C1orf21: variants seen among roughly 807,000 people sequenced by gnomAD.
C1orf21 encodes uncharacterized protein C1orf21.
A neutral mutation model predicts 18.7 loss-of-function variants in C1orf21; 3 were observed. The observed-to-expected ratio is 0.16, with a 90% confidence interval of 0.07 to 0.42. The LOEUF is 0.42. Among genes scored for constraint, C1orf21 ranks in the 10% least tolerant of loss-of-function variants. The pLI, the probability that C1orf21 is intolerant of heterozygous loss-of-function variation, is 0.99. For synonymous variants in C1orf21, 41 were observed against 46.4 expected, an observed-to-expected ratio of 0.88 and a Z score of 0.47; for missense variants, 104 against 143.6, an observed-to-expected ratio of 0.72 and a Z score of 1.41.
intron 1 of C1orf21, among the ~76,000 whole-genome samples, chr1:184,445,969 A>G (rs527246851): frequency 2.0e-5 from 3 of 152,334 alleles, no homozygotes; most frequent in African/African-American, 7.2e-5. Context: ...AGGACAAAAT[A>G]GTTACCCATA....
chr1:184,596,536 A>G (rs190273977), intron 4 of C1orf21, among the ~76,000 whole-genome samples: 17 of 152,328 alleles, frequency 1.1e-4, no homozygotes, highest in Non-Finnish European at 5.9e-5. Context: ...TTCTGGGGCA[A>G]CATATACATA....
Position 184,535,380 on chromosome 1 carries a change from T to C in C1orf21, c.189+27698T>C, listed in dbSNP as rs930586600. On this transcript the variant is annotated intron_variant, in intron 3 of 5. Coordinates refer to ENST00000235307, the MANE Select transcript of C1orf21 (RefSeq NM_030806.4). ...TAAAAGAAGTGCTTCCAAAGTATGT[T>C]CCAAAGGAGAGAAAGAATTTCTTGT... is the stretch of plus-strand genomic sequence containing the variant. 2.6e-5 allele frequency among the ~76,000 whole-genome samples: 4 copies of C among 152,186 alleles called. 1 individual carries two copies. The highest frequency in any genetic ancestry group is 9.6e-5 in the African/African-American group (4 of 41,452).
intron 1 of C1orf21, among the ~76,000 whole-genome samples, chr1:184,422,897 T>G (rs1364545547): frequency 6.6e-6 from 1 of 152,264 alleles, no homozygotes; most frequent in Admixed American, 6.5e-5. Flanking sequence ...TAAAATGTTT[T>G]GTCTGGCACA....
chr1:184,403,129 G>A (rs1360518291), intron 1 of C1orf21, among the ~76,000 whole-genome samples: 1 of 152,140 alleles, frequency 6.6e-6, no homozygotes, highest in African/African-American at 2.4e-5. Context: ...TGCCTTAAAA[G>A]AACTCTTAAC....
At chr1:184,443,761 T>G (rs1315589811) in intron 1 of C1orf21, among the ~76,000 whole-genome samples, 1 of 152,094 alleles carries the variant, frequency 6.6e-6, no homozygotes, top group Non-Finnish European at 1.5e-5. Context: ...ACAGAAATGA[T>G]AGCAGGCCAA....
intron 1 of C1orf21, among the ~76,000 whole-genome samples, chr1:184,474,685 C>T (rs1032540931): frequency 1.3e-5 from 2 of 152,132 alleles, no homozygotes; most frequent in African/African-American, 4.8e-5. Context: ...TCTCTTAATT[C>T]TCAGTGTACC....
chr1:184,593,220 T>C (rs978491647), intron 4 of C1orf21, among the ~76,000 whole-genome samples: 2 of 152,290 alleles, frequency 1.3e-5, no homozygotes, highest in Non-Finnish European at 2.9e-5. Flanking sequence ...CAGACTGGCA[T>C]GTGCTGAAGC....
chr1:184,498,065 T>A (rs907026152), intron 2 of C1orf21, among the ~76,000 whole-genome samples: 3 of 152,164 alleles, frequency 2.0e-5, no homozygotes, highest in African/African-American at 7.2e-5. Flanking sequence ...ATGCCGCTCA[T>A]TAGCTTTGCT....
Position 184,627,248 on chromosome 1 carries a change from C to A in C1orf21, c.*7692C>A, listed in dbSNP as rs1660029785. On this transcript the variant is annotated 3_prime_UTR_variant, in exon 6 of 6. Coordinates refer to ENST00000235307, the MANE Select transcript of C1orf21 (RefSeq NM_030806.4). ...TCTCTATGGAGACAACTTGCAGTGCCTTTTAGGTTTTCCAAATAACCTCGG... is the reference window on the plus strand; with the variant it reads ...TCTCTATGGAGACAACTTGCAGTGCATTTTAGGTTTTCCAAATAACCTCGG... 1 of 152,122 alleles carries A rather than the reference C, an allele frequency of 6.6e-6. No homozygotes were observed. The allele number at this position is 152,122 out of a possible 1,614,324, so 9.4% of individuals were successfully genotyped here.
At chr1:184,412,124 A>G (rs1656364964) in intron 1 of C1orf21, 1 of 152,186 alleles carries the variant, frequency 6.6e-6, no homozygotes, top group African/African-American at 2.4e-5. Flanking sequence ...CCTTACCCCC[A>G]TTTTTAAATA....
rs571796664 is a variant in C1orf21 at position 184,613,663 on chromosome 1, C to T, written c.328-5855C>T. Among the ~76,000 whole-genome samples the T allele has an allele frequency of 1.1e-4, 17 of 152,238 alleles. No homozygotes were observed. The East Asian group carries it at 2.7e-3, about 24-fold the overall frequency. On this transcript the variant is annotated intron_variant, in intron 5 of 5. Transcript: ENST00000235307. ...AGCCTCCACCCTGCTACCCCCACACCCCAGCACTGCTTCCCTCCAAAGCCA... is the reference window on the plus strand; with the variant it reads ...AGCCTCCACCCTGCTACCCCCACACTCCAGCACTGCTTCCCTCCAAAGCCA...
rs949520958 is a variant in C1orf21, at chr1:184,622,877, A to G, written c.*3321A>G. On this transcript the variant is annotated 3_prime_UTR_variant, in exon 6 of 6. Transcript: ENST00000235307. ...TGTCAGGGCTCACCTGGGCATCCAA[A>G]GCGGCCACGCCCACAATCCGACAGC... 4.6e-5 allele frequency: 7 copies of G among 152,662 alleles called. No homozygotes were observed. The highest frequency in any genetic ancestry group is 8.8e-5 in the Non-Finnish European group (6 of 68,432). 9.5% of individuals were successfully genotyped at this position (152,662 alleles called of 1,614,324 possible). A position where few individuals can be genotyped will look rare whatever the true frequency, so the allele number is the denominator to read the frequency against.
At chr1:184,424,901 C>T (rs2101968120) in intron 1 of C1orf21, among the ~76,000 whole-genome samples, 1 of 152,286 alleles carries the variant, frequency 6.6e-6, no homozygotes, top group South Asian at 2.1e-4. Context: ...TATTTGCGAG[C>T]ACATGTTGAG....
chr1:184,608,147 C>CA (rs1257470392), intron 5 of C1orf21, among the ~76,000 whole-genome samples: 1 of 152,136 alleles, frequency 6.6e-6, no homozygotes, highest in Non-Finnish European at 1.5e-5. Flanking sequence ...AGAAGGAGGG[C>CA]AGAGGCTAGC....
intron 1 of C1orf21, among the ~76,000 whole-genome samples, chr1:184,433,710 G>C (rs56321247): frequency 6.6e-6 from 1 of 152,244 alleles, no homozygotes; most frequent in Non-Finnish European, 1.5e-5. Context: ...ATTTCAGCAT[G>C]TGACACTCGT....
chr1:184,394,552 A>G (rs1656020649), intron 1 of C1orf21, among the ~76,000 whole-genome samples: 1 of 152,186 alleles, frequency 6.6e-6, no homozygotes, highest in South Asian at 2.1e-4. Flanking sequence ...CACAGTTGAC[A>G]AGGAGGTCTA....
intron 1 of C1orf21, among the ~76,000 whole-genome samples, chr1:184,428,912 A>G (rs1195370736): frequency 2.0e-5 from 3 of 152,174 alleles, no homozygotes; most frequent in African/African-American, 7.2e-5. Context: ...AAATAAAAGG[A>G]TCTGGTCAGG....
chr1:184,427,519 G>C (rs1321027455), intron 1 of C1orf21, among the ~76,000 whole-genome samples: 1 of 152,128 alleles, frequency 6.6e-6, no homozygotes, highest in Non-Finnish European at 1.5e-5. Context: ...GTGAGCACTA[G>C]AGTGGAGTCT....
chr1:184,619,820 C>T lies in C1orf21; in HGVS notation c.*264C>T, dbSNP rs548761702. On this transcript the variant is annotated 3_prime_UTR_variant, in exon 6 of 6. Coordinates refer to ENST00000235307, the MANE Select transcript of C1orf21 (RefSeq NM_030806.4). Reference sequence around the variant, plus strand: ...TTGCAACTTTTCACTTCTCTTGTGTCCAGGTATGCAGCAAAATTCTGCAAT... The same window carrying T: ...TTGCAACTTTTCACTTCTCTTGTGTTCAGGTATGCAGCAAAATTCTGCAAT... The T allele has an allele frequency of 2.8e-6, 1 of 362,158 alleles. No individual in the cohort carries two copies. Among genetic ancestry groups the T allele is most frequent in the African/African-American group, 2.1e-5 (1 of 46,982 alleles). The allele number at this position is 362,158 out of a possible 1,614,324, so 22.4% of individuals were successfully genotyped here.
Sources: gnomAD v4.1 joint callset for allele counts (sites outside exome capture counted in the v4.1 genomes callset) on GRCh38, gnomAD v4.1.1 for gene constraint, MANE v1.5 for transcripts, NCBI Gene and HGNC (gene_info 2026-07-23, HGNC 2026-07-21) for gene names.